DRD3: variants seen among roughly 807,000 people sequenced by gnomAD.
DRD3 encodes dopamine receptor D3.
In DRD3, 19 loss-of-function variants were observed where a neutral mutation model predicts 36.3. The ratio of observed to expected loss-of-function variants is 0.52; its 90% CI spans 0.36 to 0.77. The LOEUF (loss-of-function observed/expected upper bound fraction) is 0.77, where lower values mean the gene tolerates loss of function less well. DRD3 is among the 30% of genes least tolerant of loss of function. The pLI, the probability that DRD3 is intolerant of heterozygous loss-of-function variation, is 0.00. For synonymous variants in DRD3, 195 were observed against 203.7 expected, an observed-to-expected ratio of 0.96 and a Z score of 0.36; for missense variants, 465 against 505.3, an observed-to-expected ratio of 0.92 and a Z score of 0.77.
At chr3:114,173,341 C>G (rs1270348508) in intron 1 of DRD3, among the ~76,000 whole-genome samples, 1 of 152,156 alleles carries the variant, frequency 6.6e-6, no homozygotes, top group Non-Finnish European at 1.5e-5. Flanking sequence ...GGTTATGCCT[C>G]TAACCTCTAT....
At chr3:114,132,969 A>T (rs2077444015) in intron 5 of DRD3, among the ~76,000 whole-genome samples, 1 of 151,654 alleles carries the variant, frequency 6.6e-6, no homozygotes, top group African/African-American at 2.4e-5. Context: ...TATTGTGGTT[A>T]TGTGTCTTAT....
intron 3 of DRD3, among the ~76,000 whole-genome samples, chr3:114,153,382 A>T (rs971286240): frequency 3.3e-5 from 5 of 152,188 alleles, no homozygotes; most frequent in African/African-American, 7.2e-5. Context: ...GTGATTGTTC[A>T]TATCAGTGAG....
chr3:114,194,212 TG>T (rs2078025546), intron 1 of DRD3, among the ~76,000 whole-genome samples: 1 of 152,216 alleles, frequency 6.6e-6, no homozygotes, highest in African/African-American at 2.4e-5. Flanking sequence ...TCCATCCAAC[TG>T]GTGGTTTTGT....
intron 1 of DRD3, among the ~76,000 whole-genome samples, chr3:114,185,683 AT>A (rs1236040736): frequency 3.4e-5 from 5 of 148,860 alleles, no homozygotes; most frequent in Admixed American, 6.7e-5. Context: ...TTGTAATTTT[AT>A]TTTTTTTTTA....
chr3:114,158,076 T>G (rs1447784939), intron 3 of DRD3, among the ~76,000 whole-genome samples: 1 of 151,836 alleles, frequency 6.6e-6, no homozygotes, highest in East Asian at 1.9e-4. Flanking sequence ...CACTCCAGCC[T>G]GGACAACAAA....
rs1454332834 is a variant in DRD3, at chr3:114,158,210, G to A, written c.383+1545C>T. Among the ~76,000 whole-genome samples, 4 of 149,380 alleles carry A rather than the reference G, an allele frequency of 2.7e-5. No individual in the cohort carries two copies. The East Asian group carries it at 7.8e-4, about 29-fold the overall frequency. On this transcript the variant is annotated intron_variant, in intron 3 of 6. Transcript: ENST00000383673. ...GAGGGTTGCTTGAGTCCAGGAGTTT[G>A]AGACCAGCCTGGACAACATAGCAGG...
At chr3:114,166,764 C>T (rs2077789243) in intron 2 of DRD3, among the ~76,000 whole-genome samples, 1 of 152,180 alleles carries the variant, frequency 6.6e-6, no homozygotes, top group South Asian at 2.1e-4. Context: ...ATATGAGACT[C>T]CAAGACTCAT....
intron 2 of DRD3, among the ~76,000 whole-genome samples, chr3:114,170,675 A>T (rs180674387): frequency 6.6e-6 from 1 of 152,036 alleles, no homozygotes; most frequent in Admixed American, 6.5e-5. Context: ...CAAAGGTATT[A>T]GCACAGGCAG....
At chr3:114,186,725 A>G (rs2077977456) in intron 1 of DRD3, among the ~76,000 whole-genome samples, 1 of 152,222 alleles carries the variant, frequency 6.6e-6, no homozygotes, top group Admixed American at 6.5e-5. Context: ...TTTACCATTC[A>G]AGGCTTCTCC....
intron 2 of DRD3, among the ~76,000 whole-genome samples, chr3:114,162,618 T>C (rs1353782005): frequency 6.6e-6 from 1 of 152,254 alleles, no homozygotes; most frequent in Non-Finnish European, 1.5e-5. Context: ...ATTATAATTC[T>C]ATGACAGAGG....
chr3:114,150,567 C>T (rs533218911), intron 3 of DRD3, among the ~76,000 whole-genome samples: 15 of 152,314 alleles, frequency 9.8e-5, no homozygotes, highest in African/African-American at 2.6e-4. Context: ...TCATGGGTCA[C>T]GAAGGCCTCC....
intron 1 of DRD3, among the ~76,000 whole-genome samples, chr3:114,177,900 G>C (rs36211799): frequency 2.0e-5 from 3 of 152,126 alleles, no homozygotes; most frequent in Non-Finnish European, 4.4e-5. Context: ...GTAAGCAAAG[G>C]CTTCACCTAT....
chr3:114,139,734 G>C, intron 4 of DRD3, 38 bp from the exon 5 acceptor site: 2 of 1,595,690 alleles, frequency 1.3e-6, no homozygotes, highest in Non-Finnish European at 1.7e-6. Context: ...CAGTTAGCAA[G>C]TATCAGAACT....
At chr3:114,166,809 G>A (rs1236622192) in intron 2 of DRD3, among the ~76,000 whole-genome samples, 3 of 152,134 alleles carry the variant, frequency 2.0e-5, no homozygotes, top group African/African-American at 4.8e-5. Flanking sequence ...ATATGGCCAG[G>A]AATTTCCTGT....
intron 5 of DRD3, among the ~76,000 whole-genome samples, chr3:114,133,084 G>C (rs962775751): frequency 6.6e-6 from 1 of 151,390 alleles, no homozygotes; most frequent in Admixed American, 6.6e-5. Flanking sequence ...TCTGCCTCCC[G>C]GGTTCAAGAG....
chr3:114,154,064 G>GT (rs1454704525), intron 3 of DRD3, among the ~76,000 whole-genome samples: 1 of 152,178 alleles, frequency 6.6e-6, no homozygotes, highest in Non-Finnish European at 1.5e-5. Context: ...TTGTAATAGA[G>GT]TGCTGGTGGA....
At position 114,144,253 on chromosome 3, in the gene DRD3, T is replaced by G. The variant is rs376055707; in HGVS notation, c.526+3162A>C. Among the ~76,000 whole-genome samples, 4 of 152,384 alleles carry G rather than the reference T, an allele frequency of 2.6e-5. No individual in the cohort carries two copies. The East Asian group carries it at 7.7e-4, about 29-fold the overall frequency. Reference sequence around the variant, plus strand: ...TTCTCTAATAATTCACAATTTCGTGTGGCAGCCCATGGCATTAAAAGAAGA... The same window carrying G: ...TTCTCTAATAATTCACAATTTCGTGGGGCAGCCCATGGCATTAAAAGAAGA... On this transcript the variant is annotated intron_variant, in intron 4 of 6. Coordinates refer to ENST00000383673, the MANE Select transcript of DRD3 (RefSeq NM_000796.6).
At chr3:114,173,138 G>A (rs1263650195) in intron 1 of DRD3, among the ~76,000 whole-genome samples, 1 of 152,080 alleles carries the variant, frequency 6.6e-6, no homozygotes, top group East Asian at 1.9e-4. Context: ...CTTTCACCAT[G>A]GGAAGACATA....
chr3:114,160,131 AGT>A (rs1276203137), intron 2 of DRD3, among the ~76,000 whole-genome samples: 1 of 152,238 alleles, frequency 6.6e-6, no homozygotes, highest in Non-Finnish European at 1.5e-5. Context: ...TGATTCTCAA[AGT>A]GTGGTCCACA....
Sources: gnomAD v4.1 joint callset for allele counts (sites outside exome capture counted in the v4.1 genomes callset) on GRCh38, gnomAD v4.1.1 for gene constraint, MANE v1.5 for transcripts, NCBI Gene and HGNC (gene_info 2026-07-23, HGNC 2026-07-21) for gene names.